The following EDARADD variants were observed in gnomAD, a reference collection of about 807,000 sequenced individuals.
The protein encoded by EDARADD is EDAR associated via death domain.
EDARADD carries 20 observed loss-of-function variants against 25.6 expected under a neutral mutation model. That is an observed-to-expected ratio of 0.78 (90% CI 0.55 to 1.14). EDARADD has a LOEUF of 1.14. EDARADD is among the 50% of genes most tolerant of loss of function. The pLI, the probability that EDARADD is intolerant of heterozygous loss-of-function variation, is 0.00. For synonymous variants in EDARADD, 86 were observed against 94.4 expected (o/e 0.91, Z 0.52); for missense variants, 225 against 270.1 (o/e 0.83, Z 1.17).
intron 1 of EDARADD, among the ~76,000 whole-genome samples, chr1:236,404,199 G>GA (rs1321757110): frequency 4.6e-5 from 7 of 152,152 alleles, no homozygotes; most frequent in Admixed American, 4.6e-4. Flanking sequence ...CGGGGGCTGG[G>GA]AAAAACAAAC....
upstream of EDARADD, among the ~76,000 whole-genome samples, chr1:236,389,539 C>T (rs1363741411): frequency 6.6e-6 from 1 of 152,158 alleles, no homozygotes; most frequent in Non-Finnish European, 1.5e-5. Flanking sequence ...TAAATACACG[C>T]ACTGGAATGC....
intron 3 of EDARADD, among the ~76,000 whole-genome samples, chr1:236,418,103 A>G (rs919336816): frequency 4.6e-5 from 7 of 151,716 alleles, no homozygotes; most frequent in South Asian, 2.1e-4. Context: ...ATAGGCGCCC[A>G]CCACCACGCC....
chr1:236,437,267 C>G (rs1434692134), intron 4 of EDARADD, among the ~76,000 whole-genome samples: 1 of 152,040 alleles, frequency 6.6e-6, no homozygotes, highest in South Asian at 2.1e-4. Flanking sequence ...TTTTCCCACC[C>G]CTGGGGCATA....
At chr1:236,426,162 TG>T (rs1462251930) in intron 3 of EDARADD, among the ~76,000 whole-genome samples, 1 of 151,982 alleles carries the variant, frequency 6.6e-6, no homozygotes, top group African/African-American at 2.4e-5. Context: ...TTAAGTTTTT[TG>T]AGACTGGGTC....
intron 4 of EDARADD, among the ~76,000 whole-genome samples, chr1:236,429,163 C>G (rs1232567317): frequency 1.4e-5 from 2 of 146,648 alleles, no homozygotes; most frequent in African/African-American, 2.5e-5. Flanking sequence ...AGCCTCGGCT[C>G]GGCATCAGAG....
In EDARADD at chr1:236,380,096, G is replaced by T. The variant is rs192037054; in HGVS notation, c.-5-29120G>T. Among the ~76,000 whole-genome samples, 177 of 152,250 alleles carry T rather than the reference G, an allele frequency of 1.2e-3. 1 individual carries two copies. The highest frequency in any genetic ancestry group is 2.1e-4 in the Non-Finnish European group (14 of 68,002). On this transcript the variant is annotated intron_variant, in intron 3 of 7. Transcript: ENST00000439430. ...CCTCTCAGTGTACTTCCATTTCCTT[G>T]TTGCTTTCATTATTTCCTTCCTTCA... is the stretch of plus-strand genomic sequence containing the variant.
intron 4 of EDARADD, among the ~76,000 whole-genome samples, chr1:236,429,605 G>T (rs182144854): frequency 3.3e-5 from 5 of 150,694 alleles, no homozygotes; most frequent in African/African-American, 4.9e-5. Flanking sequence ...GGCTAGTCTC[G>T]AACTCTTGGC....
chr1:236,465,048 A>G (rs149009667), intron 4 of EDARADD, among the ~76,000 whole-genome samples: 75 of 151,998 alleles, frequency 4.9e-4, no homozygotes, highest in Middle Eastern at 6.8e-3. Context: ...CTTGCTCTGC[A>G]TTTCACCTCC....
At chr1:236,357,908 T>C (rs545616502) in intron 3 of EDARADD, among the ~76,000 whole-genome samples, 7 of 150,534 alleles carry the variant, frequency 4.7e-5, no homozygotes, top group Non-Finnish European at 8.8e-5. Context: ...AGTTTCGCTC[T>C]TTTGCCCAGG....
intron 4 of EDARADD, among the ~76,000 whole-genome samples, chr1:236,466,512 C>T (rs955946778): frequency 6.6e-6 from 1 of 151,692 alleles, no homozygotes; most frequent in Non-Finnish European, 1.5e-5. Context: ...GGTAAAACTT[C>T]AACTAAATGA....
At chr1:236,468,682 G>T (rs1659282587) in intron 5 of EDARADD, among the ~76,000 whole-genome samples, 2 of 152,132 alleles carry the variant, frequency 1.3e-5, no homozygotes, top group African/African-American at 4.8e-5. Flanking sequence ...TTTAAAATCT[G>T]TACTGCAGAA....
chr1:236,429,466 C>G (rs1396514025), intron 4 of EDARADD, among the ~76,000 whole-genome samples: 1 of 151,912 alleles, frequency 6.6e-6, no homozygotes, highest in African/African-American at 2.4e-5. Context: ...CAAGCTCCAC[C>G]TCCCAGGTTC....
chr1:236,402,311 C>G (rs898223920), intron 1 of EDARADD, among the ~76,000 whole-genome samples: 3 of 152,124 alleles, frequency 2.0e-5, no homozygotes, highest in African/African-American at 7.2e-5. Context: ...TGGCTTGTGC[C>G]TGTAATCCCA....
chr1:236,430,634 T>C (rs1277633900), intron 4 of EDARADD, among the ~76,000 whole-genome samples: 1 of 152,214 alleles, frequency 6.6e-6, no homozygotes, highest in African/African-American at 2.4e-5. Context: ...CTATAAAAAG[T>C]AGTACTATAG....
intron 3 of EDARADD, among the ~76,000 whole-genome samples, chr1:236,354,696 G>A (rs1666954598): frequency 6.6e-6 from 1 of 152,126 alleles, no homozygotes; most frequent in Admixed American, 6.6e-5. Flanking sequence ...CAGAGACCTG[G>A]CCTTAGAAAC....
At chr1:236,449,994 G>A (rs1377234899) in intron 4 of EDARADD, among the ~76,000 whole-genome samples, 1 of 152,064 alleles carries the variant, frequency 6.6e-6, no homozygotes. Flanking sequence ...CCAGCTACTG[G>A]GGAGGCTGAG....
At position 236,467,021 on chromosome 1, in the gene EDARADD, G is replaced by A. The variant is rs752895442; in HGVS notation, c.220-1210G>A. ...GGCGGAGATGCAGTGAGCCGAGATT[G>A]TGCCACTGCACTCCAGCCTGGGCGA... On this transcript the variant is annotated intron_variant, in intron 4 of 5. Transcript: ENST00000334232. 1.4e-3 allele frequency among the ~76,000 whole-genome samples: 211 copies of A among 151,876 alleles called. 1 individual carries two copies. The highest frequency in any genetic ancestry group is 2.4e-3 in the Non-Finnish European group (160 of 67,996).
intron 1 of EDARADD, among the ~76,000 whole-genome samples, chr1:236,394,892 G>GT (rs1307175813): frequency 1.3e-5 from 2 of 152,184 alleles, no homozygotes; most frequent in Non-Finnish European, 2.9e-5. Flanking sequence ...ACCCGAAGCT[G>GT]TTTTTTCTAG....
intron 3 of EDARADD, among the ~76,000 whole-genome samples, chr1:236,385,471 C>T (rs1006151590): frequency 6.7e-6 from 1 of 148,856 alleles, no homozygotes; most frequent in Non-Finnish European, 1.5e-5. Context: ...CGCCTGTAAT[C>T]CCAGCACTTT....
Sources: allele counts gnomAD v4.1 joint callset (sites outside exome capture counted in the v4.1 genomes callset), GRCh38; gene constraint gnomAD v4.1.1; transcripts MANE v1.5; gene names NCBI Gene and HGNC (gene_info 2026-07-23, HGNC 2026-07-21).